The following ZNF644 variants were observed in gnomAD, a reference collection of about 807,000 sequenced individuals.
ZNF644 encodes zinc finger protein 644, also known as zinc finger motif enhancer binding protein 2.
Under a neutral mutation model 108.0 loss-of-function variants are expected in ZNF644, and 20 were observed. The ratio of observed to expected loss-of-function variants is 0.19; its 90% confidence interval spans 0.13 to 0.27. The LOEUF is 0.27. Ranked by LOEUF, ZNF644 falls within the 10% of genes least tolerant of loss-of-function variation. ZNF644 has a pLI of 1.00. For synonymous variants in ZNF644, 542 were observed against 539.1 expected (o/e 1.01, Z -0.08); for missense variants, 1,338 against 1,548.9 (o/e 0.86, Z 2.29).
intron 2 of ZNF644, among the ~76,000 whole-genome samples, chr1:90,949,730 C>G (rs1017481641): frequency 1.2e-4 from 18 of 152,084 alleles, no homozygotes; most frequent in African/African-American, 4.3e-4. Flanking sequence ...AGGATGTGTA[C>G]AGATTATATG....
At chr1:90,957,880 C>A (rs1653909769) in intron 2 of ZNF644, among the ~76,000 whole-genome samples, 1 of 152,056 alleles carries the variant, frequency 6.6e-6, no homozygotes, top group Admixed American at 6.6e-5. Context: ...AATTCCTTAG[C>A]ATCCACAAAA....
intron 1 of ZNF644, among the ~76,000 whole-genome samples, chr1:91,017,515 T>C (rs1318993369): frequency 6.6e-6 from 1 of 152,260 alleles, no homozygotes; most frequent in Non-Finnish European, 1.5e-5. Flanking sequence ...CTTGAAATCC[T>C]CTGCTTTTTT....
At chr1:90,919,748 T>C (rs771940018) in intron 4 of ZNF644, among the ~76,000 whole-genome samples, 1 of 152,058 alleles carries the variant, frequency 6.6e-6, no homozygotes, top group Non-Finnish European at 1.5e-5. Flanking sequence ...TCGCATGTAG[T>C]AGGAACTCAA....
At chr1:90,993,421 T>A (rs1172754355) in intron 1 of ZNF644, among the ~76,000 whole-genome samples, 1 of 151,926 alleles carries the variant, frequency 6.6e-6, no homozygotes, top group Admixed American at 6.6e-5. Flanking sequence ...GATTCATAAA[T>A]GAGCCCAGTC....
At chr1:90,952,824 T>C (rs1243004840) in intron 2 of ZNF644, among the ~76,000 whole-genome samples, 1 of 151,990 alleles carries the variant, frequency 6.6e-6, no homozygotes, top group Admixed American at 6.6e-5. Flanking sequence ...GCTGAGAATT[T>C]TGTAAAACTG....
intron 2 of ZNF644, among the ~76,000 whole-genome samples, chr1:90,969,943 G>C (rs1655293871): frequency 6.6e-6 from 1 of 152,138 alleles, no homozygotes; most frequent in Admixed American, 6.5e-5. Context: ...CAAATGAGAT[G>C]TTTTAAATCA....
In ZNF644 at chr1:90,939,152, T is replaced by C; in HGVS notation, c.2202A>G (p.Ala734=). 6.2e-7 allele frequency: 1 copy of C among 1,613,852 alleles called. No individual in the cohort carries two copies. The highest frequency in any genetic ancestry group is 8.5e-7 in the Non-Finnish European group (1 of 1,179,930). ...TGTGTCTATACAAATAGTGGCTATT[T>C]GCCTTGGCATTAGACTTTTCTTTTG... ...QAAKEKSNAK[A]NSHYLYRHKY... Residue 734 remains alanine (A), a synonymous_variant, in exon 3 of 6, where the codon GCA becomes GCG. Transcript: ENST00000337393.
At chr1:90,934,861 T>C (rs1175440037) in intron 4 of ZNF644, among the ~76,000 whole-genome samples, 2 of 152,162 alleles carry the variant, frequency 1.3e-5, no homozygotes, top group Admixed American at 6.6e-5. Flanking sequence ...CATTTTGAAA[T>C]TTCCCTATAA....
chr1:90,974,182 A>C (rs989718318), intron 2 of ZNF644, among the ~76,000 whole-genome samples: 4 of 152,104 alleles, frequency 2.6e-5, no homozygotes, highest in African/African-American at 9.7e-5. Flanking sequence ...TCTACTAAAA[A>C]TACAAAAATT....
intron 1 of ZNF644, among the ~76,000 whole-genome samples, chr1:90,996,917 C>T (rs941438003): frequency 3.3e-5 from 5 of 152,184 alleles, no homozygotes; most frequent in African/African-American, 4.8e-5. Flanking sequence ...AGGCTCTACT[C>T]GCAAAGCTAT....
rs1038688125 is a variant in ZNF644, at chr1:90,924,937, T to A, written c.3689-6783A>T. 3.3e-5 allele frequency among the ~76,000 whole-genome samples: 5 copies of A among 152,248 alleles called. 1 individual carries two copies. Among genetic ancestry groups the A allele is most frequent in the African/African-American group, 1.2e-4 (5 of 41,550 alleles). ...AATAAGCCATCCTTTTGCCCTAACC[T>A]CCAATAGAGAAAGTCTGAGTGTTAT... On this transcript the variant is annotated intron_variant, in intron 4 of 5. Coordinates refer to ENST00000337393, the MANE Select transcript of ZNF644 (RefSeq NM_201269.3).
At chr1:90,976,431 GT>G (rs1656015474) in intron 2 of ZNF644, among the ~76,000 whole-genome samples, 1 of 152,162 alleles carries the variant, frequency 6.6e-6, no homozygotes, top group East Asian at 1.9e-4. Context: ...TGAATGCCTT[GT>G]TTTATTTAGC....
intron 4 of ZNF644, among the ~76,000 whole-genome samples, chr1:90,932,702 G>GA (rs1570361041): frequency 6.6e-6 from 1 of 151,622 alleles, no homozygotes; most frequent in South Asian, 2.1e-4. Context: ...AATAAAGCTT[G>GA]AAAAAAAACT....
chr1:90,995,539 C>T (rs1658069717), intron 1 of ZNF644, among the ~76,000 whole-genome samples: 1 of 151,992 alleles, frequency 6.6e-6, no homozygotes, highest in Non-Finnish European at 1.5e-5. Flanking sequence ...ATCCAAGAAT[C>T]TCAACAAACC....
chr1:91,021,943 C>T (rs1348084863), intron 1 of ZNF644, 47 bp downstream of exon 1: 3 of 398,850 alleles, frequency 7.5e-6, no homozygotes, highest in Non-Finnish European at 1.3e-5. Context: ...AGGCCCGAAA[C>T]CCACTCGGGT....
At chr1:90,953,355 G>A (rs1221863589) in intron 2 of ZNF644, among the ~76,000 whole-genome samples, 1 of 150,954 alleles carries the variant, frequency 6.6e-6, no homozygotes, top group Non-Finnish European at 1.5e-5. Flanking sequence ...AACAGACATG[G>A]AGAGGGGAAC....
intron 4 of ZNF644, among the ~76,000 whole-genome samples, chr1:90,925,698 C>CA (rs1649954051): frequency 6.6e-6 from 1 of 150,820 alleles, no homozygotes; most frequent in African/African-American, 2.4e-5. Context: ...AACAAGATGT[C>CA]AGTCAAAATA....
chr1:90,942,949 A>T (rs1652143280), intron 2 of ZNF644, among the ~76,000 whole-genome samples: 1 of 152,170 alleles, frequency 6.6e-6, no homozygotes, highest in East Asian at 1.9e-4. Context: ...CTGCTCTCAG[A>T]TAAAGAATGA....
At chr1:91,002,610 C>T (rs1231638275) in intron 1 of ZNF644, among the ~76,000 whole-genome samples, 4 of 152,224 alleles carry the variant, frequency 2.6e-5, no homozygotes, top group East Asian at 1.9e-4. Flanking sequence ...ATTCAGGACA[C>T]AGGCATGGGT....
Sources: allele counts gnomAD v4.1 joint callset (sites outside exome capture counted in the v4.1 genomes callset), GRCh38; gene constraint gnomAD v4.1.1; transcripts MANE v1.5; gene names NCBI Gene and HGNC (gene_info 2026-07-23, HGNC 2026-07-21).